The following ACY1 variants were observed in gnomAD, a reference collection of about 807,000 sequenced individuals.
ACY1 encodes the protein aminoacylase-1.
Under a neutral mutation model 53.3 loss-of-function variants are expected in ACY1, and 38 were observed. The observed-to-expected ratio is 0.71, with a 90% CI of 0.55 to 0.93. The LOEUF (loss-of-function observed/expected upper bound fraction) is 0.93, where lower values mean the gene tolerates loss of function less well. Ranked by LOEUF, ACY1 falls within the 40% of genes least tolerant of loss-of-function variation. The pLI is 0.00. For synonymous variants in ACY1, 177 were observed against 202.1 expected (o/e 0.88, Z 1.05); for missense variants, 484 against 540.9 (o/e 0.89, Z 1.04).
At chr3:51,988,625 C>A in intron 13 of ACY1, 22 bp downstream of exon 13, 1 of 1,613,600 alleles carries the variant, frequency 6.2e-7, no homozygotes, top group Non-Finnish European at 8.5e-7. Flanking sequence ...GGCCAGCTCT[C>A]CTCACAGCCC....
At chr3:51,986,753 G>A in intron 8 of ACY1, 92 bp downstream of exon 8, 1 of 1,531,932 alleles carries the variant, frequency 6.5e-7, no homozygotes, top group South Asian at 1.1e-5. Flanking sequence ...CAGCAAAGTT[G>A]AGGCCTGAGA....
Position 51,987,286 on chromosome 3 carries a change from G to T in ACY1, c.708-23G>T, listed in dbSNP as rs373972467. The T allele has an allele frequency of 3.7e-6, 6 of 1,614,056 alleles. No individual in the cohort carries two copies. In the East Asian group the frequency reaches 1.3e-4, roughly 36 times the overall value. On this transcript the variant is annotated intron_variant, in intron 10 of 14. Coordinates refer to ENST00000636358, the MANE Select transcript of ACY1 (RefSeq NM_000666.3). ...GCCACCTCTTTTATCTGTTGCTGCC[G>T]CTACCCTGCCCCCACACCACAGGCT...
chr3:51,984,377 C>T, intron 2 of ACY1: 1 of 609,178 alleles, frequency 1.6e-6, no homozygotes, highest in African/African-American at 1.8e-5. Context: ...ACCAAGGTTA[C>T]TCCTGGCAGC....
intron 12 of ACY1, chr3:51,987,851 G>A (rs1014339128): frequency 3.6e-6 from 2 of 556,974 alleles, no homozygotes; most frequent in Non-Finnish European, 6.4e-6. Context: ...GGTGAAACGG[G>A]GAGATATAAA....
At chr3:51,988,733 C>A (rs1701162062) in intron 13 of ACY1, 33 bp from the exon 14 acceptor site, 2 of 1,612,906 alleles carry the variant, frequency 1.2e-6, no homozygotes. Flanking sequence ...TTCGCTTTCT[C>A]CCTCCCCATT....
rs1256631611 is a variant in ACY1 at position 51,987,445 on chromosome 3, G to A, written c.844G>A (p.Asp282Asn). The change falls in exon 11 of 15, where the codon GAC becomes AAC. Residue 282 changes from aspartate to asparagine, a missense_variant. By Grantham distance (23) the Asp-to-Asn change is conservative. Transcript: ENST00000636358. ...SFDFRVAPDV[D>N]FKAFEEQLQS... ...TGACTTCCGTGTGGCACCGGATGTG[G>A]ACTTCAAGGTGCCACCTCCACCTGG... The A allele has an allele frequency of 7.4e-6, 12 of 1,614,150 alleles. No individual in the cohort carries two copies. Among genetic ancestry groups the A allele is most frequent in the Non-Finnish European group, 1.0e-5 (12 of 1,180,008 alleles).
At chr3:51,983,734 C>G in intron 1 of ACY1, 145 bp downstream of exon 1, 1 of 401,450 alleles carries the variant, frequency 2.5e-6, no homozygotes, top group Non-Finnish European at 4.6e-6. Flanking sequence ...GAGTACAAGT[C>G]TGGGTTCAAA....
At chr3:51,986,548 G>T in intron 7 of ACY1, 44 bp downstream of exon 7, 1 of 1,613,928 alleles carries the variant, frequency 6.2e-7, no homozygotes, top group Non-Finnish European at 8.5e-7. Flanking sequence ...CAGGGAGTAG[G>T]AGGCTGCTAG....
At chr3:51,988,657 C>T (rs537460578) in intron 13 of ACY1, 54 bp downstream of exon 13, 1 of 1,592,422 alleles carries the variant, frequency 6.3e-7, no homozygotes, top group African/African-American at 1.3e-5. Flanking sequence ...CCTCTCCTTC[C>T]TGCTGCCCCC....
intron 5 of ACY1, 58 bp downstream of exon 5, chr3:51,986,004 G>A (rs1701042784): frequency 6.6e-7 from 1 of 1,510,832 alleles, no homozygotes; most frequent in African/African-American, 1.4e-5. Context: ...GTGGATTGAA[G>A]CAGGACCTGA....
chr3:51,985,433 A>C lies in ACY1; in HGVS notation c.232A>C (p.Asn78His). Reference sequence around the variant, plus strand: ...CCCTACACTCTCCTCCATCTTGCTCAACTCCCACACGGATGTGGTGCCTGT... The same window carrying C: ...CCCTACACTCTCCTCCATCTTGCTCCACTCCCACACGGATGTGGTGCCTGT... Reference protein sequence around the residue: ...TNPTLSSILLNSHTDVVPVFK... With the variant: ...TNPTLSSILLHSHTDVVPVFK... The change falls in exon 4 of 15, where the codon AAC becomes CAC. Residue 78 changes from asparagine (N) to histidine (H), a missense_variant. Asn to His is a moderately conservative substitution (Grantham distance 68, BLOSUM62 1). Transcript: ENST00000636358. The C allele has an allele frequency of 6.2e-7, 1 of 1,614,066 alleles. No individual in the cohort carries two copies. Among genetic ancestry groups the C allele is most frequent in the Non-Finnish European group, 8.5e-7 (1 of 1,180,032 alleles).
At position 51,989,002 on chromosome 3, in the gene ACY1, TC is replaced by T. The variant is rs1464006424; in HGVS notation, c.1156del (p.Arg386ValfsTer29). ...HDERLHEAVF[L>X]RGVDIYTRLL... is the part of the protein sequence containing the mutation. ...GAACGGCTGCATGAGGCTGTGTTCC[TC>T]CGTGGGGTGGACATATATACACGCC... On this transcript the variant is annotated frameshift_variant, in exon 15 of 15. Transcript: ENST00000636358. LOFTEE classifies it high-confidence loss of function. The T allele has an allele frequency of 8.7e-6, 14 of 1,614,010 alleles. No individual in the cohort carries two copies. Among genetic ancestry groups the T allele is most frequent in the Non-Finnish European group, 7.6e-6 (9 of 1,180,034 alleles).
Position 51,986,504 on chromosome 3 carries a change from G to A in ACY1, c.526G>A (p.Gly176Ser). ...ALRAGFALDE[G>S]IANPTDAFTV... ...GAGGGCAGGCTTTGCCCTGGATGAG[G>A]GTGAGCAGGTTGGCAAGCCAATGAG... The change falls in exon 7 of 15, where the codon GGC becomes AGC. Residue 176 changes from glycine to serine, a missense_variant and splice_region_variant. Gly to Ser is a moderately conservative substitution (Grantham distance 56). Coordinates refer to ENST00000636358, the MANE Select transcript of ACY1 (RefSeq NM_000666.3). 6.2e-7 allele frequency: 1 copy of A among 1,614,144 alleles called. No homozygotes were observed. The highest frequency in any genetic ancestry group is 8.5e-7 in the Non-Finnish European group (1 of 1,180,022).
At chr3:51,983,962 G>A (rs978405992) in intron 1 of ACY1, 85 bp from the exon 2 acceptor site, 78 of 992,032 alleles carry the variant, frequency 7.9e-5, no homozygotes, top group Non-Finnish European at 1.2e-4. Flanking sequence ...GGAAGTCCGG[G>A]AGCCGCCGTG....
chr3:51,987,601 G>A lies in ACY1; in HGVS notation c.898G>A (p.Gly300Arg), dbSNP rs776825227. 8.7e-6 allele frequency: 14 copies of A among 1,613,884 alleles called. No individual in the cohort carries two copies. Among genetic ancestry groups the A allele is most frequent in the Middle Eastern group, 1.6e-4 (1 of 6,084 alleles). Reference sequence around the variant, plus strand: ...GAGCTGGTGCCAGGCAGCTGGCGAGGGGGTCACCCTAGAGTTTGCTCAGGT... The same window carrying A: ...GAGCTGGTGCCAGGCAGCTGGCGAGAGGGTCACCCTAGAGTTTGCTCAGGT... ...LQSWCQAAGE[G>R]VTLEFAQKWM... The change falls in exon 12 of 15, where the codon GGG (glycine) becomes AGG (arginine). Residue 300 changes from glycine to arginine, a missense_variant. Physicochemically the swap from Gly to Arg is moderately radical, Grantham distance 125. Coordinates refer to ENST00000636358, the MANE Select transcript of ACY1 (RefSeq NM_000666.3).
In ACY1 at chr3:51,986,471, C is replaced by A; in HGVS notation, c.493C>A (p.His165Asn). ...GCTGTTCGTGCAGCGGCCTGAGTTC[C>A]ACGCCCTGAGGGCAGGCTTTGCCCT... ...MELFVQRPEF[H>N]ALRAGFALDE... The change falls in exon 7 of 15, where the codon CAC (histidine) becomes AAC (asparagine). Residue 165 changes from histidine to asparagine, a missense_variant. By Grantham distance (68) the His-to-Asn change is moderately conservative. Coordinates refer to ENST00000636358, the MANE Select transcript of ACY1 (RefSeq NM_000666.3). The A allele has an allele frequency of 1.2e-6, 2 of 1,613,918 alleles. No homozygotes were observed. The highest frequency in any genetic ancestry group is 1.7e-6 in the Non-Finnish European group (2 of 1,179,888).
Position 51,985,476 on chromosome 3 carries a change from G to T in ACY1, c.264+11G>T, listed in dbSNP as rs368392973. ...GTGCCTGTCTTCAAGGTGTGTAAGG[G>T]GCTGGGGAGGTGGGCAGTGCAGGCC... On this transcript the variant is annotated intron_variant, in intron 4 of 14. Transcript: ENST00000636358. 7.4e-6 allele frequency: 12 copies of T among 1,613,360 alleles called. No individual in the cohort carries two copies. The Middle Eastern group carries it at 5.0e-4, about 67-fold the overall frequency.
chr3:51,986,388 C>T (rs764424458), intron 6 of ACY1, 27 bp from the exon 7 acceptor site: 2 of 1,608,580 alleles, frequency 1.2e-6, no homozygotes, highest in Non-Finnish European at 8.5e-7. Context: ...GCAGCCTCCT[C>T]ATCTCACGTC....
chr3:51,988,556 T>C lies in ACY1; in HGVS notation c.954T>C (p.Asp318=), dbSNP rs146063664. ...TGCACCCCCAAGTGACACCTACTGATGACTCAAACCCTTGGTGGGCAGCTT... is the reference window on the plus strand; with the variant it reads ...TGCACCCCCAAGTGACACCTACTGACGACTCAAACCCTTGGTGGGCAGCTT... ...KWMHPQVTPT[D]DSNPWWAAFS... is the part of the protein sequence containing the mutation. Residue 318 remains aspartate (D), a synonymous_variant, in exon 13 of 15, where the codon GAT becomes GAC. Transcript: ENST00000636358. 1.2e-6 allele frequency: 2 copies of C among 1,614,066 alleles called. No individual in the cohort carries two copies. Among genetic ancestry groups the C allele is most frequent in the African/African-American group, 2.7e-5 (2 of 74,924 alleles).
Sources: gnomAD v4.1 joint callset for allele counts on GRCh38, gnomAD v4.1.1 for gene constraint, MANE v1.5 for transcripts, NCBI Gene and HGNC (gene_info 2026-07-23, HGNC 2026-07-21) for gene names.